The following CEP112 variants were observed in gnomAD, a reference collection of about 807,000 sequenced individuals.
CEP112 encodes the protein centrosomal protein 112, also known as centrosomal protein of 112 kDa.
In CEP112, 127 loss-of-function variants were observed where a neutral mutation model predicts 153.0. The ratio of observed to expected loss-of-function variants is 0.83; its 90% CI spans 0.72 to 0.96. The LOEUF (loss-of-function observed/expected upper bound fraction) is 0.96, where lower values mean the gene tolerates loss of function less well. Ranked by LOEUF, CEP112 falls within the 40% of genes least tolerant of loss-of-function variation. CEP112 has a pLI of 0.00. For missense variants in CEP112, 1,089 were observed against 1,101.2 expected (o/e 0.99, Z 0.16); for synonymous variants, 358 against 374.4 (o/e 0.96, Z 0.51).
chr17:66,117,722 G>A, intron 6 of CEP112, among the ~76,000 whole-genome samples: 1 of 152,104 alleles, frequency 6.6e-6, no homozygotes, highest in East Asian at 1.9e-4. Context: ...TCAACAAAGT[G>A]AAGAGACAAC....
Position 65,667,558 on chromosome 17 carries a change from T to TACACACAC in CEP112, c.2697+21563_2697+21570dup, listed in dbSNP as rs71361241. Among the ~76,000 whole-genome samples the TACACACAC allele has an allele frequency of 3.3e-3, 489 of 149,264 alleles. 22 individuals are homozygous for TACACACAC. In the East Asian group the frequency reaches 0.082, roughly 25 times the overall value. On this transcript the variant is annotated intron_variant, in intron 24 of 26. Transcript: ENST00000535342. ...TGAGTTTTAACAACATTTGTACTCT[T>TACACACAC]ACACACACACACACACACACACACA... is the stretch of plus-strand genomic sequence containing the variant.
chr17:66,031,202 T>C (rs1484994021), intron 12 of CEP112, among the ~76,000 whole-genome samples: 3 of 152,198 alleles, frequency 2.0e-5, no homozygotes, highest in Non-Finnish European at 2.9e-5. Context: ...TCCTAATATA[T>C]ATTCTAAACA....
At chr17:65,926,614 G>A (rs1343288908) in intron 19 of CEP112, among the ~76,000 whole-genome samples, 2 of 152,110 alleles carry the variant, frequency 1.3e-5, no homozygotes, top group African/African-American at 4.8e-5. Flanking sequence ...TTGGGAGGCT[G>A]AGGCAGAAGA....
chr17:66,034,842 C>G (rs2065645022), intron 12 of CEP112, among the ~76,000 whole-genome samples: 1 of 150,736 alleles, frequency 6.6e-6, no homozygotes, highest in Admixed American at 6.6e-5. Context: ...GAGTCTCACT[C>G]TGTCGCCCAG....
intron 19 of CEP112, among the ~76,000 whole-genome samples, chr17:65,923,928 T>C (rs73346876): frequency 0.038 from 5,759 of 152,302 alleles, 324 homozygotes; most frequent in African/African-American, 0.12. Flanking sequence ...CAGATTTATA[T>C]TAATCTTTTT....
intron 11 of CEP112, among the ~76,000 whole-genome samples, chr17:66,061,228 A>C (rs959603585): frequency 2.0e-5 from 3 of 152,140 alleles, no homozygotes; most frequent in Non-Finnish European, 4.4e-5. Context: ...ACTTACAATG[A>C]GATATCATCT....
chr17:66,024,341 A>G (rs1367256292), intron 16 of CEP112, among the ~76,000 whole-genome samples: 1 of 152,176 alleles, frequency 6.6e-6, no homozygotes, highest in Non-Finnish European at 1.5e-5. Context: ...AGAAAAAGAA[A>G]TAAAAGCCAT....
At chr17:65,888,862 T>C (rs548270472) in intron 20 of CEP112, among the ~76,000 whole-genome samples, 1 of 152,246 alleles carries the variant, frequency 6.6e-6, no homozygotes, top group Admixed American at 6.5e-5. Context: ...TTATCTCCCA[T>C]TAGCTGATCC....
chr17:65,894,492 G>C (rs564751769), intron 20 of CEP112, among the ~76,000 whole-genome samples: 1 of 152,040 alleles, frequency 6.6e-6, no homozygotes, highest in South Asian at 2.1e-4. Context: ...CCTCATTCAG[G>C]TTCCTTTAGG....
intron 24 of CEP112, among the ~76,000 whole-genome samples, chr17:65,672,998 G>T (rs2047061497): frequency 6.6e-6 from 1 of 152,182 alleles, no homozygotes. Context: ...AAACAACACA[G>T]ATTTATTCCC....
intron 4 of CEP112, among the ~76,000 whole-genome samples, chr17:66,171,259 G>T (rs1248069622): frequency 2.0e-5 from 3 of 152,060 alleles, no homozygotes; most frequent in African/African-American, 7.2e-5. Flanking sequence ...ATACAAAAAG[G>T]TCTAAGTAAA....
intron 20 of CEP112, among the ~76,000 whole-genome samples, chr17:65,870,154 T>G (rs1212619213): frequency 6.6e-6 from 1 of 151,596 alleles, no homozygotes; most frequent in Non-Finnish European, 1.5e-5. Context: ...GGGAGAAAAC[T>G]TCAAAAGGAG....
intron 21 of CEP112, among the ~76,000 whole-genome samples, chr17:65,815,761 T>G (rs1324802868): frequency 6.6e-6 from 1 of 152,148 alleles, no homozygotes; most frequent in East Asian, 1.9e-4. Context: ...TGTAAATGGC[T>G]GATTTTAAAA....
At chr17:66,174,774 A>G (rs1400039182) in intron 4 of CEP112, among the ~76,000 whole-genome samples, 3 of 152,212 alleles carry the variant, frequency 2.0e-5, no homozygotes, top group Non-Finnish European at 4.4e-5. Context: ...AGTTATTGAT[A>G]ATGCTTTTAA....
At chr17:65,720,363 G>A (rs907882250) in intron 23 of CEP112, among the ~76,000 whole-genome samples, 3 of 152,204 alleles carry the variant, frequency 2.0e-5, no homozygotes, top group Non-Finnish European at 4.4e-5. Context: ...TTGCCTAAGA[G>A]AGATTGCAGA....
At chr17:65,808,450 TG>T (rs1231865847) in intron 21 of CEP112, among the ~76,000 whole-genome samples, 1 of 152,116 alleles carries the variant, frequency 6.6e-6, no homozygotes, top group Non-Finnish European at 1.5e-5. Flanking sequence ...ACATGAGATT[TG>T]GGAGGGGTCA....
chr17:65,655,227 T>C (rs762465833), intron 24 of CEP112: 10 of 864,662 alleles, frequency 1.2e-5, no homozygotes, highest in Non-Finnish European at 1.6e-5. Context: ...TAAACACTTT[T>C]GAAGTCATCC....
At chr17:65,763,932 G>T (rs1373736664) in intron 21 of CEP112, among the ~76,000 whole-genome samples, 1 of 151,936 alleles carries the variant, frequency 6.6e-6, no homozygotes, top group Non-Finnish European at 1.5e-5. Flanking sequence ...AGTGAAAAAG[G>T]CTTTAATCAT....
chr17:65,639,635 A>G (rs2044986393), intron 25 of CEP112, among the ~76,000 whole-genome samples: 1 of 149,868 alleles, frequency 6.7e-6, no homozygotes, highest in African/African-American at 2.5e-5. Context: ...CAGTGAGCTG[A>G]GATAGCACCA....
Sources: gnomAD v4.1 joint callset for allele counts (sites outside exome capture counted in the v4.1 genomes callset) on GRCh38, gnomAD v4.1.1 for gene constraint, MANE v1.5 for transcripts, NCBI Gene and HGNC (gene_info 2026-07-23, HGNC 2026-07-21) for gene names.